Variants in PYGL observed in about 807,000 individuals in gnomAD.
The protein encoded by PYGL is glycogen phosphorylase L.
Under a neutral mutation model 100.1 loss-of-function variants are expected in PYGL, and 90 were observed. The observed-to-expected ratio is 0.90, with a 90% CI of 0.76 to 1.07. The LOEUF (loss-of-function observed/expected upper bound fraction) is 1.07. Among genes scored for constraint, PYGL ranks in the 50% least tolerant of loss-of-function variants. The pLI, the probability that PYGL is intolerant of heterozygous loss-of-function variation, is 0.00. For missense variants in PYGL, 1,016 were observed against 1,057.6 expected (o/e 0.96, Z 0.55); for synonymous variants, 373 against 393.0 (o/e 0.95, Z 0.60).
At chr14:50,924,755 T>G (rs1006606924) in intron 4 of PYGL, among the ~76,000 whole-genome samples, 5 of 152,356 alleles carry the variant, frequency 3.3e-5, no homozygotes, top group African/African-American at 1.2e-4. Flanking sequence ...GTAATGAACT[T>G]ATTTTATTGA....
At chr14:50,912,342 TAGA>T (rs750493886) in intron 13 of PYGL, 39 bp from the exon 14 acceptor site, 18 of 1,607,464 alleles carry the variant, frequency 1.1e-5, no homozygotes, top group Non-Finnish European at 1.4e-5. Context: ...TCTTTTGGCC[TAGA>T]AGAATTGGGT....
Position 50,917,099 on chromosome 14 carries a change from C to A in PYGL, c.862G>T (p.Glu288Ter). The change falls in exon 8 of 20, where the codon GAA becomes TAA. Residue 288 changes from glutamate (E) to a stop codon, truncating the protein, a stop_gained. Coordinates refer to ENST00000216392, the MANE Select transcript of PYGL (RefSeq NM_002863.5). LOFTEE classifies it high-confidence loss of function. ...TGCTTCAATCTTAGCTCCTTCCCTT[C>A]AAAAAACTTCAAGCCAGAGAGATAG... Reference protein sequence around the residue: ...RVLYPNDNFFEGKELRLKQEY... With the variant: ...RVLYPNDNFF 1 of 1,613,818 alleles carries A rather than the reference C, an allele frequency of 6.2e-7. No individual in the cohort carries two copies.
chr14:50,931,664 C>A lies in PYGL; in HGVS notation c.528+9G>T, dbSNP rs377241811. ...TTAATGACAAAATTTAAAAAGATGG[C>A]TCACACACCTGCCATCCATCTCGGA... On this transcript the variant is annotated intron_variant, in intron 4 of 19. Coordinates refer to ENST00000216392, the MANE Select transcript of PYGL (RefSeq NM_002863.5). 3.1e-6 allele frequency: 5 copies of A among 1,607,994 alleles called. No homozygotes were observed. In the African/African-American group the frequency reaches 6.7e-5, roughly 22 times the overall value.
In PYGL at chr14:50,916,708, G is replaced by A; in HGVS notation, c.1026C>T (p.His342=). Residue 342 remains histidine, a synonymous_variant, in exon 9 of 20, where the codon CAC becomes CAT. Transcript: ENST00000216392. ...TCAGCTCAGGGATCGCGAGTGCAGG[G>A]TGAGTGTCATTCAGCTGGATGGCCA... ...DQVAIQLNDT[H]PALAIPELMR... 1.2e-6 allele frequency: 2 copies of A among 1,614,186 alleles called. No homozygotes were observed. The highest frequency in any genetic ancestry group is 1.7e-6 in the Non-Finnish European group (2 of 1,179,998).
rs773741774 is a variant in PYGL, at chr14:50,911,728, AC to A, written c.1969+1del. 4 of 1,614,022 alleles carry A rather than the reference AC, an allele frequency of 2.5e-6. No homozygotes were observed. Among genetic ancestry groups the A allele is most frequent in the Non-Finnish European group, 2.5e-6 (3 of 1,179,862 alleles). The stretch of plus-strand genomic sequence containing the variant: ...CTGCATATTTTGCAATGAGGGTAGT[AC>A]CTTTTTCAGCAAGAGATACTCTGTA... On this transcript the variant is annotated splice_donor_variant, in intron 16 of 19. Coordinates refer to ENST00000216392, the MANE Select transcript of PYGL (RefSeq NM_002863.5). LOFTEE classifies it high-confidence loss of function.
intron 12 of PYGL, 139 bp downstream of exon 12, chr14:50,914,562 A>G (rs2050428105): frequency 1.5e-6 from 1 of 685,492 alleles, no homozygotes; most frequent in African/African-American, 1.8e-5. Context: ...TAAACCCAGC[A>G]TGGAGTCCTG....
chr14:50,926,752 A>AAAAAAAAAAAAAAAT (rs2050551945), intron 4 of PYGL, among the ~76,000 whole-genome samples: 1 of 145,006 alleles, frequency 6.9e-6, no homozygotes, highest in African/African-American at 2.5e-5. Flanking sequence ...AAAAAAAAAA[A>AAAAAAAAAAAAAAAT]AGAAAAAGTC....
In PYGL at chr14:50,912,317, G is replaced by A. The variant is rs763831251; in HGVS notation, c.1621-14C>T. The A allele has an allele frequency of 6.2e-7, 1 of 1,613,264 alleles. No individual in the cohort carries two copies. The highest frequency in any genetic ancestry group is 1.7e-5 in the Admixed American group (1 of 60,014). ...CAGCTTATTCTCCTGTTAAGACAGT[G>A]CATGGTGCCAGAGCTCTTTTGGCCT... On this transcript the variant is annotated splice_polypyrimidine_tract_variant and intron_variant, in intron 13 of 19. Transcript: ENST00000216392.
At chr14:50,912,382 G>T (rs10142003) in intron 13 of PYGL, 79 bp from the exon 14 acceptor site, 6 of 1,525,402 alleles carry the variant, frequency 3.9e-6, no homozygotes, top group Non-Finnish European at 5.4e-6. Context: ...TTTTTGAGAC[G>T]GAGTCTCACT....
intron 2 of PYGL, among the ~76,000 whole-genome samples, chr14:50,936,192 G>A (rs1479420929): frequency 1.3e-5 from 2 of 152,190 alleles, no homozygotes; most frequent in Admixed American, 1.3e-4. Flanking sequence ...TGAAACAACT[G>A]GGTTCTTATC....
chr14:50,933,897 C>G (rs1215251806), intron 3 of PYGL, among the ~76,000 whole-genome samples: 1 of 152,112 alleles, frequency 6.6e-6, no homozygotes, highest in Non-Finnish European at 1.5e-5. Context: ...TGGTATCACA[C>G]TGTATGGCTT....
intron 4 of PYGL, among the ~76,000 whole-genome samples, chr14:50,926,190 A>G (rs570062312): frequency 1.7e-4 from 26 of 152,234 alleles, no homozygotes; most frequent in African/African-American, 6.3e-4. Context: ...ATCTCTAAAA[A>G]AAATTTAAAA....
intron 2 of PYGL, among the ~76,000 whole-genome samples, chr14:50,937,521 A>C (rs2050663704): frequency 6.6e-6 from 1 of 152,270 alleles, no homozygotes; most frequent in South Asian, 2.1e-4. Context: ...GAAAATTCTC[A>C]TGAGTCATAA....
At position 50,916,680 on chromosome 14, in the gene PYGL, T is replaced by C; in HGVS notation, c.1054A>G (p.Arg352Gly). 1 of 1,614,172 alleles carries C rather than the reference T, an allele frequency of 6.2e-7. No individual in the cohort carries two copies. Among genetic ancestry groups the C allele is most frequent in the Non-Finnish European group, 8.5e-7 (1 of 1,180,006 alleles). ...AGTTTTTCAATATCCACAAAAATCC[T>C]CATCAGCTCAGGGATCGCGAGTGCA... ...HPALAIPELM[R>G]IFVDIEKLPW... The change falls in exon 9 of 20, where the codon AGG (arginine) becomes GGG (glycine). Residue 352 changes from arginine to glycine, a missense_variant. By Grantham distance (125) the Arg-to-Gly change is moderately radical. Transcript: ENST00000216392.
At chr14:50,923,408 C>A (rs1414523694) in intron 5 of PYGL, 1 of 153,704 alleles carries the variant, frequency 6.5e-6, no homozygotes, top group African/African-American at 2.4e-5. Context: ...CTGCCTCAGC[C>A]TCCCATGTAG....
intron 4 of PYGL, among the ~76,000 whole-genome samples, chr14:50,926,208 G>T (rs1319971327): frequency 1.3e-5 from 2 of 152,016 alleles, no homozygotes; most frequent in African/African-American, 2.4e-5. Flanking sequence ...AAAATTAGCC[G>T]AGTGTGGTGG....
At position 50,931,726 on chromosome 14, in the gene PYGL, C is replaced by T. The variant is rs139032686; in HGVS notation, c.475G>A (p.Gly159Ser). The change falls in exon 4 of 20, where the codon GGC becomes AGC. Residue 159 changes from glycine to serine, a missense_variant. Physicochemically the swap from Gly to Ser is moderately conservative, Grantham distance 56. Coordinates refer to ENST00000216392, the MANE Select transcript of PYGL (RefSeq NM_002863.5). ...ATLGLAAYGY[G>S]IRYEYGIFNQ... is the part of the protein sequence containing the mutation. ...AAAATCCCATATTCATACCGAATGCCGTATCCATAGGCTGCAAGTCCCAGG... is the reference window on the plus strand; with the variant it reads ...AAAATCCCATATTCATACCGAATGCTGTATCCATAGGCTGCAAGTCCCAGG... 2.9e-5 allele frequency: 47 copies of T among 1,613,900 alleles called. No homozygotes were observed. In the African/African-American group the frequency reaches 4.0e-4, roughly 14 times the overall value.
intron 3 of PYGL, 105 bp downstream of exon 3, chr14:50,935,002 G>A (rs1014566043): frequency 1.4e-5 from 15 of 1,056,404 alleles, no homozygotes; most frequent in Middle Eastern, 2.0e-4. Flanking sequence ...CATACCTTGC[G>A]CTTCTTCTAG....
chr14:50,909,788 G>T, intron 17 of PYGL, 107 bp downstream of exon 17: 1 of 1,280,442 alleles, frequency 7.8e-7, no homozygotes, highest in Non-Finnish European at 1.1e-6. Context: ...CCTCTTATGT[G>T]ATCCAATTTC....
Sources: gnomAD v4.1 joint callset for allele counts (sites outside exome capture counted in the v4.1 genomes callset) on GRCh38, gnomAD v4.1.1 for gene constraint, MANE v1.5 for transcripts, NCBI Gene and HGNC (gene_info 2026-07-23, HGNC 2026-07-21) for gene names.